The following RALYL variants were observed in gnomAD, a reference collection of about 807,000 sequenced individuals.
The protein encoded by RALYL is RNA-binding Raly-like protein.
RALYL carries 29 observed loss-of-function variants against 35.1 expected under a neutral mutation model. The ratio of observed to expected loss-of-function variants is 0.83; its 90% CI spans 0.61 to 1.13. The LOEUF is 1.13. RALYL is among the 50% of genes most tolerant of loss of function. The pLI is 0.00. For missense variants in RALYL, 359 were observed against 360.4 expected, an observed-to-expected ratio of 1.00 and a Z score of 0.03; for synonymous variants, 120 against 127.6, an observed-to-expected ratio of 0.94 and a Z score of 0.40.
chr8:84,386,690 T>C (rs1859274312), intron 1 of RALYL, among the ~76,000 whole-genome samples: 1 of 151,878 alleles, frequency 6.6e-6, no homozygotes, highest in African/African-American at 2.4e-5. Context: ...GGCCTGCCTC[T>C]TCCTCACTTA....
At chr8:84,382,572 C>T (rs1858242733) in intron 1 of RALYL, among the ~76,000 whole-genome samples, 1 of 151,540 alleles carries the variant, frequency 6.6e-6, no homozygotes, top group African/African-American at 2.4e-5. Context: ...ATTTTAAATG[C>T]TTATTAGGAT....
chr8:84,822,313 C>T (rs896592814), intron 4 of RALYL, among the ~76,000 whole-genome samples: 1 of 152,254 alleles, frequency 6.6e-6, no homozygotes, highest in African/African-American at 2.4e-5. Context: ...CCATGTAAAG[C>T]CACCAAGTCA....
chr8:84,708,303 C>G (rs960158408), intron 2 of RALYL, among the ~76,000 whole-genome samples: 103 of 152,182 alleles, frequency 6.8e-4, no homozygotes, highest in African/African-American at 2.4e-3. Flanking sequence ...GAAATTCATT[C>G]TCTACTCATA....
chr8:84,215,135 G>A (rs2131225948), intron 1 of RALYL, among the ~76,000 whole-genome samples: 1 of 152,040 alleles, frequency 6.6e-6, no homozygotes, highest in South Asian at 2.1e-4. Flanking sequence ...TCCTTCCTCA[G>A]AGTTTTACAA....
chr8:84,657,288 G>C (rs1447446349), intron 2 of RALYL, among the ~76,000 whole-genome samples: 2 of 152,120 alleles, frequency 1.3e-5, no homozygotes, highest in Non-Finnish European at 2.9e-5. Context: ...TTTAGTATTT[G>C]TCCATTTATC....
intron 2 of RALYL, among the ~76,000 whole-genome samples, chr8:84,558,680 A>C (rs2061290275): frequency 6.6e-6 from 1 of 152,134 alleles, no homozygotes; most frequent in African/African-American, 2.4e-5. Context: ...ATATACTAAA[A>C]TTTGAATTTA....
intron 3 of RALYL, among the ~76,000 whole-genome samples, chr8:84,801,829 T>A (rs750812352): frequency 6.6e-6 from 1 of 152,142 alleles, no homozygotes; most frequent in Non-Finnish European, 1.5e-5. Flanking sequence ...TTATGATTAA[T>A]GAAATCAAGA....
At chr8:84,655,998 G>T (rs1223390587) in intron 2 of RALYL, among the ~76,000 whole-genome samples, 2 of 152,098 alleles carry the variant, frequency 1.3e-5, no homozygotes, top group Non-Finnish European at 2.9e-5. Context: ...TCTCACCACA[G>T]CTGAAAATGA....
intron 3 of RALYL, 125 bp from the exon 4 acceptor site, chr8:84,804,645 A>T: frequency 2.9e-6 from 1 of 339,070 alleles, no homozygotes; most frequent in Non-Finnish European, 5.1e-6. Context: ...ATAGCTTTTT[A>T]CTGGTGCTAC....
intron 1 of RALYL, among the ~76,000 whole-genome samples, chr8:84,400,163 AT>A (rs2042746716): frequency 6.6e-6 from 1 of 152,042 alleles, no homozygotes; most frequent in African/African-American, 2.4e-5. Flanking sequence ...CATTTTTTGG[AT>A]TTTGGAATAT....
At chr8:84,542,150 C>T (rs1228723443) in intron 2 of RALYL, among the ~76,000 whole-genome samples, 2 of 151,778 alleles carry the variant, frequency 1.3e-5, no homozygotes, top group Non-Finnish European at 2.9e-5. Context: ...ATTGTTTTGC[C>T]GTTTCCACTC....
chr8:84,913,392 A>C (rs1429278187), intron 8 of RALYL, among the ~76,000 whole-genome samples: 1 of 152,074 alleles, frequency 6.6e-6, no homozygotes, highest in Non-Finnish European at 1.5e-5. Flanking sequence ...AATCTAGGAG[A>C]GAATTCAACT....
At chr8:84,210,856 A>G (rs906116126) in intron 1 of RALYL, among the ~76,000 whole-genome samples, 4 of 148,756 alleles carry the variant, frequency 2.7e-5, no homozygotes, top group African/African-American at 7.6e-5. Flanking sequence ...GTGTCATGTC[A>G]TAGCTAGCTC....
chr8:84,609,621 A>G (rs745687062), intron 2 of RALYL, among the ~76,000 whole-genome samples: 3 of 152,182 alleles, frequency 2.0e-5, no homozygotes, highest in Non-Finnish European at 4.4e-5. Flanking sequence ...AAACAATTTC[A>G]GTTTAACAGA....
chr8:84,364,383 G>T (rs1268991099), intron 1 of RALYL, among the ~76,000 whole-genome samples: 1 of 152,050 alleles, frequency 6.6e-6, no homozygotes, highest in African/African-American at 2.4e-5. Context: ...ATAACCCTCT[G>T]ATAGAAACTA....
intron 1 of RALYL, among the ~76,000 whole-genome samples, chr8:84,410,912 T>G: frequency 6.6e-6 from 1 of 151,770 alleles, no homozygotes; most frequent in Non-Finnish European, 1.5e-5. Flanking sequence ...AGAAAGGAAA[T>G]AAACTCTAGG....
At chr8:84,556,370 G>T in intron 2 of RALYL, among the ~76,000 whole-genome samples, 1 of 152,054 alleles carries the variant, frequency 6.6e-6, no homozygotes, top group East Asian at 1.9e-4. Flanking sequence ...TTTATTTTCA[G>T]ATCAGAAATC....
At chr8:84,837,297 G>C (rs970999373) in intron 4 of RALYL, among the ~76,000 whole-genome samples, 6 of 152,118 alleles carry the variant, frequency 3.9e-5, no homozygotes, top group Admixed American at 2.6e-4. Flanking sequence ...TTACAATTAA[G>C]AACTCAATAA....
At chr8:84,862,176 G>A (rs1838226556) in intron 5 of RALYL, 120 bp from the exon 6 acceptor site, 1 of 804,362 alleles carries the variant, frequency 1.2e-6, no homozygotes, top group Non-Finnish European at 1.8e-6. Context: ...TTAGAGAACA[G>A]CAGCAGAAAG....
Sources: allele counts gnomAD v4.1 joint callset (sites outside exome capture counted in the v4.1 genomes callset), GRCh38; gene constraint gnomAD v4.1.1; transcripts MANE v1.5; gene names NCBI Gene and HGNC (gene_info 2026-07-23, HGNC 2026-07-21).